BEND3: variants seen among roughly 807,000 people sequenced by gnomAD.
The protein encoded by BEND3 is BEN domain containing 3, also known as BEN domain-containing protein 3.
BEND3 carries 13 observed loss-of-function variants against 60.1 expected under a neutral mutation model. The observed-to-expected ratio is 0.22, with a 90% confidence interval of 0.14 to 0.34. The LOEUF is 0.34. BEND3 is among the 10% of genes least tolerant of loss of function. The probability of loss-of-function intolerance (pLI) is 1.00; values close to 1 mark genes in which losing one functional copy is unlikely to be tolerated. For missense variants in BEND3, 896 were observed against 1,138.1 expected, an observed-to-expected ratio of 0.79 and a Z score of 3.06; for synonymous variants, 497 against 491.5, an observed-to-expected ratio of 1.01 and a Z score of -0.15.
intron 3 of BEND3, among the ~76,000 whole-genome samples, chr6:107,084,755 G>A (rs782509293): frequency 7.9e-5 from 12 of 152,118 alleles, no homozygotes; most frequent in African/African-American, 2.4e-4. Flanking sequence ...ATCAATCAGC[G>A]CTCTGTAAAA....
At chr6:107,107,014 G>A (rs1554237610) in intron 1 of BEND3, among the ~76,000 whole-genome samples, 2 of 147,598 alleles carry the variant, frequency 1.4e-5, no homozygotes, top group African/African-American at 2.5e-5. Context: ...TCGGCTCACT[G>A]CAACCTCTGC....
Position 107,115,187 on chromosome 6 carries a change from C to T in BEND3, c.-109G>A, listed in dbSNP as rs1770240259. 1.3e-5 allele frequency: 2 copies of T among 149,160 alleles called. No homozygotes were observed. The highest frequency in any genetic ancestry group is 1.3e-4 in the Admixed American group (2 of 15,014). The allele number at this position is 149,160 out of a possible 1,614,324, so 9.2% of individuals were successfully genotyped here. ...GGGGCCGGGGAGTGGGGGCCGCGCG[C>T]GGAGGGCCTGGCCAGGGCGGCCCGG... is the stretch of plus-strand genomic sequence containing the variant. On this transcript the variant is annotated 5_prime_UTR_variant, in exon 1 of 4. Coordinates refer to ENST00000369042, the MANE Select transcript of BEND3 (RefSeq NM_001367314.1).
intron 3 of BEND3, among the ~76,000 whole-genome samples, chr6:107,093,450 G>C (rs1422880586): frequency 2.7e-5 from 4 of 149,468 alleles, no homozygotes; most frequent in Admixed American, 1.3e-4. Context: ...GACAGAGCGA[G>C]ACTCCGTCTC....
chr6:107,107,734 T>A (rs911754888), intron 1 of BEND3, among the ~76,000 whole-genome samples: 1 of 152,230 alleles, frequency 6.6e-6, no homozygotes, highest in Non-Finnish European at 1.5e-5. Flanking sequence ...AGTTCTGGGA[T>A]TACAGGTGTG....
At chr6:107,102,550 G>C (rs1554236864) in intron 1 of BEND3, among the ~76,000 whole-genome samples, 1 of 152,190 alleles carries the variant, frequency 6.6e-6, no homozygotes, top group African/African-American at 2.4e-5. Context: ...TCAAGACACC[G>C]AGTGCTTGTG....
chr6:107,084,071 A>G (rs1324418684), intron 3 of BEND3, among the ~76,000 whole-genome samples: 1 of 152,260 alleles, frequency 6.6e-6, no homozygotes, highest in Non-Finnish European at 1.5e-5. Flanking sequence ...GAAAAAATCA[A>G]CACGTTTTCT....
intron 3 of BEND3, among the ~76,000 whole-genome samples, chr6:107,072,717 GCTCACGC>G (rs1309040609): frequency 6.6e-6 from 1 of 152,174 alleles, no homozygotes; most frequent in Non-Finnish European, 1.5e-5. Flanking sequence ...GGGCGTGGTG[GCTCACGC>G]CTGTAATCCC....
In BEND3 at chr6:107,070,711, G is replaced by A. The variant is rs377567267; in HGVS notation, c.480C>T (p.Asn160=). Residue 160 remains asparagine, a synonymous_variant, in exon 4 of 4, where the codon AAC becomes AAT. Transcript: ENST00000369042. This position sits in a 1 kb window ranked among gnomAD's most constrained non-coding sequence, Gnocchi z 6.9. ...LNVYELFEKA[N]ASNSPSSLRL... Reference sequence around the variant, plus strand: ...GCAGTGACGAGGGGCTGTTGCTGGCGTTTGCCTTCTCAAAGAGCTCGTACA... The same window carrying A: ...GCAGTGACGAGGGGCTGTTGCTGGCATTTGCCTTCTCAAAGAGCTCGTACA... 9 of 1,613,520 alleles carry A rather than the reference G, an allele frequency of 5.6e-6. No homozygotes were observed. Among genetic ancestry groups the A allele is most frequent in the South Asian group, 3.3e-5 (3 of 91,064 alleles).
At chr6:107,085,660 T>C (rs186302527) in intron 3 of BEND3, among the ~76,000 whole-genome samples, 4,731 of 151,454 alleles carry the variant, frequency 0.031, 114 homozygotes, top group Middle Eastern at 0.072. Context: ...CCTGACTAAT[T>C]TTTTGTATTT....
intron 3 of BEND3, among the ~76,000 whole-genome samples, chr6:107,084,756 C>T (rs1418779925): frequency 6.6e-6 from 1 of 152,134 alleles, no homozygotes; most frequent in Non-Finnish European, 1.5e-5. Context: ...TCAATCAGCG[C>T]TCTGTAAAAA....
At chr6:107,113,567 T>C (rs1554238828) in intron 1 of BEND3, among the ~76,000 whole-genome samples, 2 of 151,706 alleles carry the variant, frequency 1.3e-5, no homozygotes, top group Admixed American at 6.6e-5. Context: ...ATCTTTCCTC[T>C]AGAATCCAAG....
At chr6:107,094,682 C>G (rs551651971) in intron 3 of BEND3, among the ~76,000 whole-genome samples, 12 of 151,420 alleles carry the variant, frequency 7.9e-5, no homozygotes, top group African/African-American at 2.9e-4. Flanking sequence ...CAACAAACTC[C>G]ATCTCTACAA....
intron 3 of BEND3, among the ~76,000 whole-genome samples, chr6:107,073,155 T>C (rs994675386): frequency 2.8e-5 from 4 of 141,170 alleles, no homozygotes; most frequent in Non-Finnish European, 6.0e-5. Flanking sequence ...AGTGCATTAG[T>C]TATCACAGAG....
At chr6:107,080,328 C>G (rs1193799925) in intron 3 of BEND3, among the ~76,000 whole-genome samples, 2 of 128,486 alleles carry the variant, frequency 1.6e-5, no homozygotes, top group Non-Finnish European at 3.1e-5. Context: ...GCACTCCAGC[C>G]TGAGCCACAG....
At chr6:107,077,213 G>A (rs1342560109) in intron 3 of BEND3, among the ~76,000 whole-genome samples, 3 of 151,802 alleles carry the variant, frequency 2.0e-5, no homozygotes, top group Admixed American at 6.6e-5. Flanking sequence ...TCCAGTAATC[G>A]GCCCACCTTG....
In BEND3 at chr6:107,069,600, G is replaced by A. The variant is rs782176192; in HGVS notation, c.1591C>T (p.Leu531=). Residue 531 remains leucine, a synonymous_variant, in exon 4 of 4, where the codon CTG becomes TTG. Coordinates refer to ENST00000369042, the MANE Select transcript of BEND3 (RefSeq NM_001367314.1). ...RPGRRSKKIW[L]VPIDFDKLEI... ...AACTTGTCGAAGTCGATGGGCACCAGCCAGATCTTCTTGGAGCGGCGACCC... is the reference window on the plus strand; with the variant it reads ...AACTTGTCGAAGTCGATGGGCACCAACCAGATCTTCTTGGAGCGGCGACCC... 1 of 1,612,590 alleles carries A rather than the reference G, an allele frequency of 6.2e-7. No homozygotes were observed. Among genetic ancestry groups the A allele is most frequent in the East Asian group, 2.2e-5 (1 of 44,882 alleles).
In BEND3 at chr6:107,070,875, T is replaced by C. The variant is rs1582639711; in HGVS notation, c.316A>G (p.Arg106Gly). Residue 106 changes from arginine to glycine, a missense_variant, in exon 4 of 4, where the codon AGG becomes GGG. Arg to Gly is a moderately radical substitution (Grantham distance 125). Around this residue, in one of 4 missense-constraint regions of BEND3, gnomAD observed 846 missense variants for 1,036.7 expected, o/e 0.82. Transcript: ENST00000369042. This position sits in a 1 kb window ranked among gnomAD's most constrained non-coding sequence, Gnocchi z 6.9. ...QGNGEQAGRG[R>G]SLGNVWPGEE... ...CCAGGCCACACATTGCCCAGGCTCC[T>C]GCCCCTGCCGGCCTGCTCACCATTG... 6.2e-7 allele frequency: 1 copy of C among 1,613,948 alleles called. No individual in the cohort carries two copies. Among genetic ancestry groups the C allele is most frequent in the Non-Finnish European group, 8.5e-7 (1 of 1,180,032 alleles).
At chr6:107,107,777 T>C (rs1554237748) in intron 1 of BEND3, among the ~76,000 whole-genome samples, 1 of 152,240 alleles carries the variant, frequency 6.6e-6, no homozygotes, top group African/African-American at 2.4e-5. Context: ...TACATTTTAA[T>C]AGTGAATTTT....
intron 3 of BEND3, among the ~76,000 whole-genome samples, chr6:107,079,869 G>GTAACTGTTA (rs1289532129): frequency 1.3e-5 from 2 of 151,984 alleles, no homozygotes; most frequent in South Asian, 2.1e-4. Context: ...GTAGCTACTG[G>GTAACTGTTA]TAACTGTTAG....
Sources: allele counts gnomAD v4.1 joint callset (sites outside exome capture counted in the v4.1 genomes callset), GRCh38; gene constraint gnomAD v4.1.1; regional missense constraint gnomAD v4.1.1; non-coding constraint Gnocchi (gnomAD v3.1); transcripts MANE v1.5; gene names NCBI Gene and HGNC (gene_info 2026-07-23, HGNC 2026-07-21).